Variants in SGCZ observed in about 807,000 individuals in gnomAD.
SGCZ encodes the protein sarcoglycan zeta.
A neutral mutation model predicts 41.3 loss-of-function variants in SGCZ; 40 were observed. The ratio of observed to expected loss-of-function variants is 0.97; its 90% CI spans 0.75 to 1.26. The LOEUF (loss-of-function observed/expected upper bound fraction) is 1.26. Ranked by LOEUF, SGCZ falls within the 50% of genes most tolerant of loss-of-function variation. The pLI, the probability that SGCZ is intolerant of heterozygous loss-of-function variation, is 0.00. For synonymous variants in SGCZ, 206 were observed against 137.5 expected (o/e 1.50, Z -3.49); for missense variants, 552 against 369.8 (o/e 1.49, Z -4.04).
At chr8:14,370,640 G>C (rs1251314173) in intron 2 of SGCZ, among the ~76,000 whole-genome samples, 2 of 151,578 alleles carry the variant, frequency 1.3e-5, no homozygotes, top group African/African-American at 4.8e-5. Flanking sequence ...TTAAATTTTA[G>C]TTTTTAATAT....
chr8:14,971,971 G>A (rs536252935), intron 1 of SGCZ, among the ~76,000 whole-genome samples: 1 of 152,124 alleles, frequency 6.6e-6, no homozygotes, highest in South Asian at 2.1e-4. Flanking sequence ...GTGTCCATGT[G>A]CATAAGGTAT....
At chr8:14,490,462 T>C (rs1801811391) in intron 2 of SGCZ, among the ~76,000 whole-genome samples, 1 of 152,150 alleles carries the variant, frequency 6.6e-6, no homozygotes, top group Admixed American at 6.5e-5. Context: ...TTTCAAAGCA[T>C]TCAAAAATGA....
At chr8:14,761,657 C>T (rs1055051957) in intron 1 of SGCZ, among the ~76,000 whole-genome samples, 3 of 151,542 alleles carry the variant, frequency 2.0e-5, no homozygotes, top group Non-Finnish European at 2.9e-5. Context: ...AGGAGATTAG[C>T]TGGGATTACC....
chr8:14,285,016 C>T lies in SGCZ; in HGVS notation c.336+39087G>A, dbSNP rs543763994. Among the ~76,000 whole-genome samples, 235 of 152,172 alleles carry T rather than the reference C, an allele frequency of 1.5e-3. 1 individual carries two copies. The highest frequency in any genetic ancestry group is 0.01 in the Middle Eastern group (3 of 294). On this transcript the variant is annotated intron_variant, in intron 3 of 7. Coordinates refer to ENST00000382080, the MANE Select transcript of SGCZ (RefSeq NM_139167.4). ...GATGATATCTTCCATCAAATTTTCC[C>T]TCTTTTATATTGGACAGATAGAGTG...
At chr8:14,876,146 T>A (rs1270768219) in intron 1 of SGCZ, among the ~76,000 whole-genome samples, 1 of 152,062 alleles carries the variant, frequency 6.6e-6, no homozygotes, top group Non-Finnish European at 1.5e-5. Context: ...TGCCTAGGGA[T>A]CTCTTAAAAG....
chr8:14,817,441 A>G (rs938329074), intron 1 of SGCZ, among the ~76,000 whole-genome samples: 3 of 152,196 alleles, frequency 2.0e-5, no homozygotes, highest in African/African-American at 7.2e-5. Flanking sequence ...TAGGAGGCCA[A>G]CTTAGGAGCC....
At chr8:15,141,076 G>C (rs763247194) in intron 1 of SGCZ, among the ~76,000 whole-genome samples, 1 of 152,158 alleles carries the variant, frequency 6.6e-6, no homozygotes, top group Non-Finnish European at 1.5e-5. Context: ...CTTTTGCCCT[G>C]ACTTCTTATG....
chr8:14,222,396 C>A (rs1393073731), intron 4 of SGCZ, among the ~76,000 whole-genome samples: 1 of 152,020 alleles, frequency 6.6e-6, no homozygotes. Context: ...TCTTGAGCTC[C>A]TGACCTTGTG....
At chr8:15,052,465 G>A (rs1368331174) in intron 1 of SGCZ, among the ~76,000 whole-genome samples, 1 of 152,148 alleles carries the variant, frequency 6.6e-6, no homozygotes, top group African/African-American at 2.4e-5. Context: ...CTGGCTATGG[G>A]GGAGTAGAGG....
chr8:14,533,287 C>T (rs1461852), intron 2 of SGCZ, among the ~76,000 whole-genome samples: 152,095 of 152,168 alleles, frequency 1, 76,012 homozygotes, highest in Non-Finnish European at 1. Flanking sequence ...ATCCAATGTA[C>T]CTTTGTAAAA....
intron 1 of SGCZ, among the ~76,000 whole-genome samples, chr8:14,929,486 G>C (rs528940607): frequency 4.0e-5 from 6 of 150,924 alleles, no homozygotes; most frequent in African/African-American, 1.2e-4. Context: ...ATGTCCTATA[G>C]ACATTAGGTG....
At chr8:14,414,524 A>C (rs10100028) in intron 2 of SGCZ, among the ~76,000 whole-genome samples, 1 of 151,624 alleles carries the variant, frequency 6.6e-6, no homozygotes, top group South Asian at 2.1e-4. Flanking sequence ...TAAAAGACCA[A>C]CATTCAATTA....
chr8:15,011,517 G>A (rs1215280611), intron 1 of SGCZ, among the ~76,000 whole-genome samples: 1 of 152,112 alleles, frequency 6.6e-6, no homozygotes, highest in Non-Finnish European at 1.5e-5. Flanking sequence ...AAATCTTTAA[G>A]TTTACCTCAT....
At chr8:15,167,247 T>A (rs1799691521) in intron 1 of SGCZ, among the ~76,000 whole-genome samples, 2 of 152,376 alleles carry the variant, frequency 1.3e-5, no homozygotes, top group South Asian at 4.1e-4. Flanking sequence ...AGAAAGTGAT[T>A]ATTTTACCAA....
At chr8:14,622,638 G>C (rs1277436623) in intron 1 of SGCZ, among the ~76,000 whole-genome samples, 2 of 152,146 alleles carry the variant, frequency 1.3e-5, no homozygotes, top group African/African-American at 4.8e-5. Flanking sequence ...CTTAAAAAGT[G>C]ATTAGAAAAT....
At chr8:14,794,399 G>A (rs1265740370) in intron 1 of SGCZ, among the ~76,000 whole-genome samples, 2 of 152,044 alleles carry the variant, frequency 1.3e-5, no homozygotes, top group African/African-American at 4.8e-5. Context: ...AAAAAGAGCT[G>A]TTAGAAACTC....
At chr8:14,218,040 T>C (rs1806061525) in intron 4 of SGCZ, among the ~76,000 whole-genome samples, 1 of 152,136 alleles carries the variant, frequency 6.6e-6, no homozygotes, top group South Asian at 2.1e-4. Context: ...GGGTAAAATA[T>C]TGAAAAATTT....
intron 2 of SGCZ, among the ~76,000 whole-genome samples, chr8:14,354,225 TAAAGA>T (rs1803209516): frequency 6.6e-6 from 1 of 151,958 alleles, no homozygotes; most frequent in African/African-American, 2.4e-5. Context: ...CAGTGCCTAA[TAAAGA>T]AAACATTTAA....
In SGCZ at chr8:14,567,602, T is replaced by C. The variant is rs561817216; in HGVS notation, c.40-12676A>G. Reference sequence around the variant, plus strand: ...GATAAGAGAATAAAAGCAGGCTGCCTAAGCCAGCAGTGGCAACCAGCTGGG... The same window carrying C: ...GATAAGAGAATAAAAGCAGGCTGCCCAAGCCAGCAGTGGCAACCAGCTGGG... On this transcript the variant is annotated intron_variant, in intron 1 of 7. Transcript: ENST00000382080. Among the ~76,000 whole-genome samples the C allele has an allele frequency of 1.9e-3, 288 of 152,284 alleles. 1 individual carries two copies. Among genetic ancestry groups the C allele is most frequent in the Non-Finnish European group, 3.1e-3 (212 of 68,008 alleles).
Sources: allele counts gnomAD v4.1 joint callset (sites outside exome capture counted in the v4.1 genomes callset), GRCh38; gene constraint gnomAD v4.1.1; transcripts MANE v1.5; gene names NCBI Gene and HGNC (gene_info 2026-07-23, HGNC 2026-07-21).